PRKDC: variants seen among roughly 807,000 people sequenced by gnomAD.
PRKDC encodes DNA-dependent protein kinase catalytic subunit.
A neutral mutation model predicts 486.9 loss-of-function variants in PRKDC; 82 were observed. The observed-to-expected ratio is 0.17, with a 90% CI of 0.14 to 0.20. PRKDC has a LOEUF of 0.20. PRKDC is among the 10% of genes least tolerant of loss of function. The pLI is 1.00. For synonymous variants in PRKDC, 1,895 were observed against 1,837.0 expected (o/e 1.03, Z -0.81); for missense variants, 4,504 against 5,038.2 (o/e 0.89, Z 3.21).
intron 22 of PRKDC, among the ~76,000 whole-genome samples, chr8:47,917,591 G>C (rs2090006273): frequency 6.6e-6 from 1 of 151,864 alleles, no homozygotes. Context: ...CTTGCCCCAA[G>C]GAATTATCAC....
At chr8:47,915,247 C>G in intron 23 of PRKDC, 81 bp downstream of exon 23, 1 of 749,164 alleles carries the variant, frequency 1.3e-6, no homozygotes, top group African/African-American at 1.8e-5. Context: ...AGCAAATATT[C>G]AGAATATATT....
chr8:47,901,940 T>A (rs569076993), intron 27 of PRKDC, among the ~76,000 whole-genome samples: 95 of 152,252 alleles, frequency 6.2e-4, no homozygotes, highest in Middle Eastern at 3.4e-3. Flanking sequence ...GTTCCAGTCT[T>A]CAGTCTACTC....
At chr8:47,800,289 T>A (rs1485281284) in intron 71 of PRKDC, among the ~76,000 whole-genome samples, 3 of 152,086 alleles carry the variant, frequency 2.0e-5, no homozygotes, top group African/African-American at 7.2e-5. Flanking sequence ...TAAAAAATGA[T>A]GAGTTCATGT....
Position 47,886,041 on chromosome 8 carries a change from T to C in PRKDC, c.4679A>G (p.Tyr1560Cys), listed in dbSNP as rs183184122. ...GTTGATCGTTTCTGAGAACAAGCTA[T>C]AGAAATACTCCCCATGGGAGAAGTG... is the stretch of plus-strand genomic sequence containing the variant. ...VIHFSHGEYF[Y>C]SLFSETINTE... The change falls in exon 36 of 86, where the codon TAT becomes TGT. Residue 1560 changes from tyrosine (Y) to cysteine (C), a missense_variant. Physicochemically the swap from Tyr to Cys is radical, Grantham distance 194. This residue lies in a region of PRKDC where 1,969 missense variants were observed against 2,068.9 expected (regional missense o/e 0.95). Coordinates refer to ENST00000314191, the MANE Select transcript of PRKDC (RefSeq NM_006904.7). 1.9e-6 allele frequency: 3 copies of C among 1,613,756 alleles called. No individual in the cohort carries two copies. The highest frequency in any genetic ancestry group is 1.7e-5 in the Admixed American group (1 of 60,028).
chr8:47,812,691 A>G (rs543981721), intron 68 of PRKDC, among the ~76,000 whole-genome samples: 1 of 152,312 alleles, frequency 6.6e-6, no homozygotes, highest in Middle Eastern at 3.4e-3. Context: ...CTAGAAAAAG[A>G]AAAGCAAATA....
rs752873347 is a variant in PRKDC, at chr8:47,857,195, C to T, written c.6570G>A (p.Val2190=). Residue 2190 remains valine, a synonymous_variant, in exon 49 of 86, where the codon GTG becomes GTA. Coordinates refer to ENST00000314191, the MANE Select transcript of PRKDC (RefSeq NM_006904.7). ...EGIHYMVVEI[V]ATILSWTGLA... ...AGCCTGTCCATGAAAGAATAGTGGCCACTATCTCAACCACCATGTAGTGAA... is the reference window on the plus strand; with the variant it reads ...AGCCTGTCCATGAAAGAATAGTGGCTACTATCTCAACCACCATGTAGTGAA... 6.2e-7 allele frequency: 1 copy of T among 1,613,942 alleles called. No homozygotes were observed. The highest frequency in any genetic ancestry group is 8.5e-7 in the Non-Finnish European group (1 of 1,179,868).
chr8:47,809,488 C>T (rs1461729998), intron 68 of PRKDC, among the ~76,000 whole-genome samples: 1 of 152,170 alleles, frequency 6.6e-6, no homozygotes, highest in Non-Finnish European at 1.5e-5. Flanking sequence ...GTGGGAACGT[C>T]CACAGAATGA....
At chr8:47,794,085 A>G (rs2086935722) in intron 74 of PRKDC, among the ~76,000 whole-genome samples, 1 of 152,224 alleles carries the variant, frequency 6.6e-6, no homozygotes, top group South Asian at 2.1e-4. Context: ...TTAGCAGTGT[A>G]AGATGAAAGT....
chr8:47,894,274 A>AT (rs1453326220), intron 30 of PRKDC, among the ~76,000 whole-genome samples: 1 of 152,328 alleles, frequency 6.6e-6, no homozygotes, highest in Middle Eastern at 3.4e-3. Flanking sequence ...GAGACTCGGT[A>AT]TAAAAAAAAG....
intron 74 of PRKDC, among the ~76,000 whole-genome samples, chr8:47,793,153 G>A (rs776171316): frequency 1.3e-5 from 2 of 152,194 alleles, no homozygotes; most frequent in African/African-American, 2.4e-5. Context: ...CAAGTAGTTG[G>A]TATTATAGGC....
At position 47,904,390 on chromosome 8, in the gene PRKDC, C is replaced by G. The variant is rs555962120; in HGVS notation, c.3042+479G>C. Reference sequence around the variant, plus strand: ...ATGCCTAAGCCACCTGGCGAGCTGGCACTACAGGTGTGTAACACCATGCCA... The same window carrying G: ...ATGCCTAAGCCACCTGGCGAGCTGGGACTACAGGTGTGTAACACCATGCCA... On this transcript the variant is annotated intron_variant, in intron 26 of 85. Coordinates refer to ENST00000314191, the MANE Select transcript of PRKDC (RefSeq NM_006904.7). Among the ~76,000 whole-genome samples the G allele has an allele frequency of 6.0e-4, 92 of 152,314 alleles. 1 individual carries two copies. The highest frequency in any genetic ancestry group is 1.2e-3 in the Admixed American group (18 of 15,302).
intron 7 of PRKDC, among the ~76,000 whole-genome samples, chr8:47,948,239 G>A (rs1224343164): frequency 1.3e-5 from 2 of 151,606 alleles, no homozygotes; most frequent in Non-Finnish European, 2.9e-5. Flanking sequence ...TGCCTCCCAG[G>A]TTCAAGATTA....
intron 7 of PRKDC, among the ~76,000 whole-genome samples, chr8:47,948,244 A>G (rs971470711): frequency 1.3e-5 from 2 of 151,292 alleles, no homozygotes; most frequent in South Asian, 4.2e-4. Context: ...CCCAGGTTCA[A>G]GATTACAGGC....
intron 54 of PRKDC, among the ~76,000 whole-genome samples, chr8:47,845,155 A>AG (rs2088237954): frequency 6.6e-6 from 1 of 152,172 alleles, no homozygotes; most frequent in Non-Finnish European, 1.5e-5. Context: ...CGGGAGGTGG[A>AG]GGTTGCAGTG....
intron 30 of PRKDC, among the ~76,000 whole-genome samples, chr8:47,893,988 A>C (rs1300605477): frequency 2.0e-5 from 3 of 152,204 alleles, no homozygotes; most frequent in African/African-American, 7.2e-5. Context: ...TGTATTAAAA[A>C]CAGAACATTC....
rs1329256185 is a variant in PRKDC at position 47,879,656 on chromosome 8, G to A, written c.5070C>T (p.Gly1690=). Reference sequence around the variant, plus strand: ...AGAATGGAAGAAGAGTGACAGCTTGGCCCTGTGGAGCAAGACAGACATAAG... The same window carrying A: ...AGAATGGAAGAAGAGTGACAGCTTGACCCTGTGGAGCAAGACAGACATAAG... ...ADTKLDLHLK[G]QAVTLLPFFT... Residue 1690 remains glycine, a splice_region_variant and synonymous_variant, in exon 39 of 86, where the codon GGC becomes GGT. Coordinates refer to ENST00000314191, the MANE Select transcript of PRKDC (RefSeq NM_006904.7). 1 of 1,560,138 alleles carries A rather than the reference G, an allele frequency of 6.4e-7. No homozygotes were observed. Among genetic ancestry groups the A allele is most frequent in the Admixed American group, 2.1e-5 (1 of 48,096 alleles).
Position 47,821,584 on chromosome 8 carries a change from C to T in PRKDC, c.9111+20G>A, listed in dbSNP as rs1259050179. ...CTATCTAAAATAATTATTTCAATCA[C>T]TTAAAATAATTTTACCCACCTGATA... On this transcript the variant is annotated intron_variant, in intron 65 of 85. Coordinates refer to ENST00000314191, the MANE Select transcript of PRKDC (RefSeq NM_006904.7). The T allele has an allele frequency of 1.3e-6, 2 of 1,564,400 alleles. No individual in the cohort carries two copies. The highest frequency in any genetic ancestry group is 1.7e-6 in the Non-Finnish European group (2 of 1,150,162).
At chr8:47,806,548 T>C (rs564838229) in intron 69 of PRKDC, among the ~76,000 whole-genome samples, 7 of 152,340 alleles carry the variant, frequency 4.6e-5, no homozygotes, top group Non-Finnish European at 8.8e-5. Context: ...GCAATAGCAA[T>C]TGATAGAGGG....
At position 47,840,262 on chromosome 8, in the gene PRKDC, CT is replaced by C. The variant is rs1589734181; in HGVS notation, c.7281-74del. On this transcript the variant is annotated intron_variant, in intron 54 of 85. Coordinates refer to ENST00000314191, the MANE Select transcript of PRKDC (RefSeq NM_006904.7). ...TGCACTTTCAAAGTATGACAGGCAA[CT>C]TTTTCTTCTTTGTTTCAAAATTAGT... is the stretch of plus-strand genomic sequence containing the variant. 1.6e-5 allele frequency: 20 copies of C among 1,219,602 alleles called. No homozygotes were observed. In the East Asian group the frequency reaches 5.1e-4, roughly 31 times the overall value. The allele number at this position is 1,219,602 out of a possible 1,614,324, so 75.5% of individuals were successfully genotyped here.
Sources: gnomAD v4.1 joint callset for allele counts (sites outside exome capture counted in the v4.1 genomes callset) on GRCh38, gnomAD v4.1.1 for gene constraint, gnomAD v4.1.1 regional missense constraint, MANE v1.5 for transcripts, NCBI Gene and HGNC (gene_info 2026-07-23, HGNC 2026-07-21) for gene names.